The following ERC1 variants were observed in gnomAD, a reference collection of about 807,000 sequenced individuals.
ERC1 encodes the protein ELKS/RAB6-interacting/CAST family member 1, also known as RAB6 interacting protein 2.
ERC1 carries 56 observed loss-of-function variants against 132.0 expected under a neutral mutation model. The observed-to-expected ratio is 0.42, with a 90% CI of 0.34 to 0.53. The LOEUF is 0.53. Among genes scored for constraint, ERC1 ranks in the 20% least tolerant of loss-of-function variants. ERC1 has a pLI of 0.03. For missense variants in ERC1, 1,202 were observed against 1,349.9 expected (o/e 0.89, Z 1.72); for synonymous variants, 478 against 476.1 (o/e 1.00, Z -0.05).
intron 12 of ERC1, among the ~76,000 whole-genome samples, chr12:1,233,072 A>G (rs567316836): frequency 2.8e-4 from 42 of 152,314 alleles, no homozygotes; most frequent in African/African-American, 9.4e-4. Context: ...TCATTAGTGC[A>G]TGGAGCCATT....
intron 13 of ERC1, among the ~76,000 whole-genome samples, chr12:1,259,354 C>T (rs2076999307): frequency 1.3e-5 from 2 of 151,974 alleles, no homozygotes; most frequent in Admixed American, 1.3e-4. Flanking sequence ...TTTACACAAA[C>T]CAACACACAC....
chr12:1,445,893 G>A (rs2093291583), intron 18 of ERC1, among the ~76,000 whole-genome samples: 1 of 152,202 alleles, frequency 6.6e-6, no homozygotes, highest in East Asian at 1.9e-4. Context: ...CACAGACAGG[G>A]TGGCTTATAA....
intron 18 of ERC1, among the ~76,000 whole-genome samples, chr12:1,452,043 G>C (rs1336895119): frequency 6.6e-6 from 1 of 152,158 alleles, no homozygotes; most frequent in African/African-American, 2.4e-5. Flanking sequence ...CTAATACTTT[G>C]ATGTTGGATT....
At chr12:1,394,847 T>C (rs2154384463) in intron 16 of ERC1, among the ~76,000 whole-genome samples, 1 of 152,340 alleles carries the variant, frequency 6.6e-6, no homozygotes, top group East Asian at 1.9e-4. Flanking sequence ...TTTACAGCAG[T>C]GTGAGAGCAG....
intron 1 of ERC1, among the ~76,000 whole-genome samples, chr12:1,022,658 G>A (rs771486521): frequency 3.5e-4 from 53 of 152,186 alleles, no homozygotes; most frequent in Non-Finnish European, 6.2e-4. Context: ...GAGTGCTCAC[G>A]AGATCGATTT....
intron 15 of ERC1, among the ~76,000 whole-genome samples, chr12:1,325,662 TAATTCTTAGA>T (rs1196870922): frequency 6.6e-6 from 1 of 152,212 alleles, no homozygotes. Context: ...TTTCAGATTG[TAATTCTTAGA>T]ATTGACCATG....
At chr12:1,218,894 A>G (rs1213993154) in intron 12 of ERC1, among the ~76,000 whole-genome samples, 1 of 151,470 alleles carries the variant, frequency 6.6e-6, no homozygotes, top group African/African-American at 2.4e-5. Context: ...TTTTTTTGAG[A>G]TGGAGTCTCA....
intron 1 of ERC1, chr12:1,027,464 G>T: frequency 6.2e-6 from 1 of 161,344 alleles, no homozygotes; most frequent in South Asian, 1.9e-4. Flanking sequence ...TTCCTACCTT[G>T]GCCTCCCAGA....
intron 16 of ERC1, among the ~76,000 whole-genome samples, chr12:1,397,984 G>T (rs1321308629): frequency 6.6e-6 from 1 of 152,006 alleles, no homozygotes; most frequent in Non-Finnish European, 1.5e-5. Context: ...CCAAGTAAAA[G>T]AACAAAAATG....
intron 15 of ERC1, among the ~76,000 whole-genome samples, chr12:1,300,719 A>T (rs1229697145): frequency 3.3e-5 from 5 of 152,222 alleles, no homozygotes; most frequent in Non-Finnish European, 5.9e-5. Flanking sequence ...GTCACTGATT[A>T]TTAGATAAAA....
chr12:1,402,359 G>A (rs1254382396), intron 16 of ERC1, among the ~76,000 whole-genome samples: 8 of 151,964 alleles, frequency 5.3e-5, no homozygotes, highest in South Asian at 4.2e-4. Flanking sequence ...ATGAAACCCC[G>A]TCTCTACTAA....
intron 16 of ERC1, among the ~76,000 whole-genome samples, chr12:1,405,965 C>T (rs1293977406): frequency 6.6e-6 from 1 of 152,032 alleles, no homozygotes; most frequent in Admixed American, 6.5e-5. Context: ...CACACATATA[C>T]ACGTATACAT....
In ERC1 at chr12:1,110,327, T is replaced by A; in HGVS notation, c.1297T>A (p.Ser433Thr). The change falls in exon 5 of 19, where the codon TCT becomes ACT. Residue 433 changes from serine to threonine, a missense_variant. Transcript: ENST00000360905. The stretch of plus-strand genomic sequence containing the variant: ...GCAAATGGAAGTGTATCGGAGCCAT[T>A]CTAAATTTATGAAAAATAAGGTAAT... ...MKQMEVYRSH[S>T]KFMKNKVEQL... 6.2e-7 allele frequency: 1 copy of A among 1,605,954 alleles called. No individual in the cohort carries two copies.
At chr12:1,032,338 T>G (rs113124390) in intron 2 of ERC1, among the ~76,000 whole-genome samples, 8,294 of 152,272 alleles carry the variant, frequency 0.054, 363 homozygotes, top group Admixed American at 0.15. Context: ...CAGGAGCCAC[T>G]GCGCCGGGTG....
intron 1 of ERC1, among the ~76,000 whole-genome samples, chr12:1,011,826 A>G (rs1358590308): frequency 3.9e-5 from 6 of 152,118 alleles, no homozygotes; most frequent in Non-Finnish European, 7.3e-5. Flanking sequence ...AAATGCCTGT[A>G]GTCCCAGCTG....
intron 16 of ERC1, among the ~76,000 whole-genome samples, chr12:1,388,764 C>T (rs901247778): frequency 2.6e-5 from 4 of 152,082 alleles, no homozygotes; most frequent in Non-Finnish European, 4.4e-5. Context: ...ATTCCAGTTG[C>T]CCAAATATGA....
intron 8 of ERC1, among the ~76,000 whole-genome samples, chr12:1,147,373 A>G (rs1248614866): frequency 1.3e-5 from 2 of 152,170 alleles, no homozygotes; most frequent in Non-Finnish European, 2.9e-5. Flanking sequence ...TGAGATGATC[A>G]TCTGATTTTT....
chr12:1,489,990 T>G, intron 18 of ERC1, 103 bp from the exon 19 acceptor site: 6 of 1,274,468 alleles, frequency 4.7e-6, no homozygotes, highest in Non-Finnish European at 6.6e-6. Flanking sequence ...GCAGAGAGAC[T>G]TCACATACAG....
chr12:1,210,364 A>C (rs767704050), intron 12 of ERC1, among the ~76,000 whole-genome samples: 11 of 152,212 alleles, frequency 7.2e-5, no homozygotes, highest in Non-Finnish European at 1.6e-4. Flanking sequence ...TCTGTCTTTA[A>C]GACGGTCTTT....
Sources: allele counts gnomAD v4.1 joint callset (sites outside exome capture counted in the v4.1 genomes callset), GRCh38; gene constraint gnomAD v4.1.1; transcripts MANE v1.5; gene names NCBI Gene and HGNC (gene_info 2026-07-23, HGNC 2026-07-21).